The following GAREM1 variants were observed in gnomAD, a reference collection of about 807,000 sequenced individuals.
The protein encoded by GAREM1 is GRB2-associated and regulator of MAPK protein 1.
GAREM1 carries 26 observed loss-of-function variants against 71.3 expected under a neutral mutation model. The observed-to-expected ratio is 0.36, with a 90% CI of 0.27 to 0.51. GAREM1 has a LOEUF of 0.51. GAREM1 is among the 20% of genes least tolerant of loss of function. The pLI is 0.95. For synonymous variants in GAREM1, 440 were observed against 433.2 expected (o/e 1.02, Z -0.20); for missense variants, 1,026 against 1,103.1 (o/e 0.93, Z 0.99).
intron 4 of GAREM1, among the ~76,000 whole-genome samples, chr18:32,284,662 A>G (rs1252101835): frequency 6.6e-6 from 1 of 152,162 alleles, no homozygotes; most frequent in Non-Finnish European, 1.5e-5. Flanking sequence ...TGAAGGTCAG[A>G]GCCCCAACCT....
At chr18:32,356,673 T>C (rs921813496) in intron 2 of GAREM1, among the ~76,000 whole-genome samples, 43 of 152,306 alleles carry the variant, frequency 2.8e-4, no homozygotes, top group African/African-American at 9.9e-4. Flanking sequence ...ACATATGGTA[T>C]TATCACACCA....
Position 32,470,205 on chromosome 18 carries a change from C to A in GAREM1, c.121+103G>T. 1 of 1,260,106 alleles carries A rather than the reference C, an allele frequency of 7.9e-7. No homozygotes were observed. The highest frequency in any genetic ancestry group is 1.0e-6 in the Non-Finnish European group (1 of 991,562). The allele number at this position is 1,260,106 out of a possible 1,614,324, so 78.1% of individuals were successfully genotyped here. Reference sequence around the variant, plus strand: ...GCCAACTCCGGCGCTCAGGGGCGGGCAGCCCACTCCCCGCGGGTCCCACCC... The same window carrying A: ...GCCAACTCCGGCGCTCAGGGGCGGGAAGCCCACTCCCCGCGGGTCCCACCC... On this transcript the variant is annotated intron_variant, in intron 1 of 5. Coordinates refer to ENST00000269209, the MANE Select transcript of GAREM1 (RefSeq NM_001242409.2). The surrounding 1 kb of genome is among the most constrained non-coding windows in gnomAD (Gnocchi z 4.4).
At chr18:32,394,752 T>C (rs562166177) in intron 1 of GAREM1, among the ~76,000 whole-genome samples, 2 of 152,194 alleles carry the variant, frequency 1.3e-5, no homozygotes, top group Non-Finnish European at 2.9e-5. Context: ...TGCAGCCCCC[T>C]GCTGAGCATA....
At chr18:32,433,459 GA>G (rs1427293041) in intron 1 of GAREM1, among the ~76,000 whole-genome samples, 1 of 148,318 alleles carries the variant, frequency 6.7e-6, no homozygotes, top group African/African-American at 2.5e-5. Flanking sequence ...AAAAAAAAAA[GA>G]AATTAAAAAC....
At chr18:32,339,069 A>G (rs939231212) in intron 2 of GAREM1, among the ~76,000 whole-genome samples, 4 of 152,172 alleles carry the variant, frequency 2.6e-5, no homozygotes, top group Non-Finnish European at 4.4e-5. Context: ...TTGTACCTCT[A>G]TAACTGTGTG....
chr18:32,300,510 G>A (rs2047188192), intron 3 of GAREM1, among the ~76,000 whole-genome samples: 1 of 152,076 alleles, frequency 6.6e-6, no homozygotes. Context: ...TTGTGTTTTC[G>A]AAGACAAAAC....
chr18:32,368,565 C>T (rs910339115), intron 2 of GAREM1, among the ~76,000 whole-genome samples: 7 of 152,172 alleles, frequency 4.6e-5, no homozygotes, highest in African/African-American at 1.7e-4. Context: ...CACTGCTCAA[C>T]TGCCTTATTT....
At chr18:32,312,658 G>A (rs752225483) in intron 2 of GAREM1, among the ~76,000 whole-genome samples, 3 of 152,158 alleles carry the variant, frequency 2.0e-5, no homozygotes, top group Non-Finnish European at 4.4e-5. Context: ...GTGAGATGTA[G>A]GAAATGTTTT....
intron 2 of GAREM1, among the ~76,000 whole-genome samples, chr18:32,343,309 C>CT (rs987222120): frequency 2.1e-5 from 3 of 141,272 alleles, no homozygotes; most frequent in African/African-American, 8.5e-5. Flanking sequence ...CTCTCCCCCA[C>CT]TGTTTTTTTT....
chr18:32,464,837 A>G (rs1006337887), intron 1 of GAREM1, among the ~76,000 whole-genome samples: 2 of 152,034 alleles, frequency 1.3e-5, no homozygotes, highest in Non-Finnish European at 2.9e-5. Flanking sequence ...TAATAAGTAG[A>G]ATGTAAGCAC....
intron 1 of GAREM1, among the ~76,000 whole-genome samples, chr18:32,414,351 G>T (rs994713358): frequency 2.6e-5 from 4 of 151,920 alleles, no homozygotes; most frequent in African/African-American, 9.7e-5. Context: ...AAGAAAGAGA[G>T]ACAGTTGGAA....
chr18:32,369,724 G>A (rs2047958751), intron 2 of GAREM1, among the ~76,000 whole-genome samples: 1 of 152,124 alleles, frequency 6.6e-6, no homozygotes, highest in African/African-American at 2.4e-5. Flanking sequence ...CCACATCACA[G>A]GGCATCTTGT....
At chr18:32,315,003 A>C (rs1323131370) in intron 2 of GAREM1, among the ~76,000 whole-genome samples, 2 of 152,170 alleles carry the variant, frequency 1.3e-5, no homozygotes, top group Admixed American at 1.3e-4. Context: ...GTATTTAATA[A>C]GTTTAATTTA....
At chr18:32,304,556 C>T (rs533230166) in intron 3 of GAREM1, among the ~76,000 whole-genome samples, 19 of 152,306 alleles carry the variant, frequency 1.2e-4, no homozygotes, top group African/African-American at 4.6e-4. Context: ...ATAGATAATA[C>T]ATAAACACAT....
intron 2 of GAREM1, among the ~76,000 whole-genome samples, chr18:32,391,290 A>G (rs1358819016): frequency 6.6e-6 from 1 of 152,164 alleles, no homozygotes; most frequent in African/African-American, 2.4e-5. Context: ...ACTCTTCGGA[A>G]TAGAAAAGAT....
intron 1 of GAREM1, among the ~76,000 whole-genome samples, chr18:32,462,678 C>G (rs577088408): frequency 6.6e-6 from 1 of 152,232 alleles, no homozygotes; most frequent in African/African-American, 2.4e-5. Context: ...CCAAAAAATC[C>G]TCGCCTAGTC....
At chr18:32,311,613 G>A (rs559599223) in intron 2 of GAREM1, among the ~76,000 whole-genome samples, 125 of 152,162 alleles carry the variant, frequency 8.2e-4, no homozygotes, top group Non-Finnish European at 9.1e-4. Flanking sequence ...AGGGAGGGTC[G>A]TGCTTGGTAG....
chr18:32,469,673 C>T (rs1045188590), intron 1 of GAREM1, among the ~76,000 whole-genome samples: 5 of 152,110 alleles, frequency 3.3e-5, no homozygotes, highest in Non-Finnish European at 7.3e-5. Flanking sequence ...GTTTTGGAGA[C>T]TTATTTTTTT....
chr18:32,410,354 A>G (rs1216865816), intron 1 of GAREM1, among the ~76,000 whole-genome samples: 1 of 152,044 alleles, frequency 6.6e-6, no homozygotes, highest in African/African-American at 2.4e-5. Flanking sequence ...ACTTATATTT[A>G]TTTATATATT....
Sources: allele counts gnomAD v4.1 joint callset (sites outside exome capture counted in the v4.1 genomes callset), GRCh38; gene constraint gnomAD v4.1.1; non-coding constraint Gnocchi (gnomAD v3.1); transcripts MANE v1.5; gene names NCBI Gene and HGNC (gene_info 2026-07-23, HGNC 2026-07-21).